The following ADGRV1 variants were observed in gnomAD, a reference collection of about 807,000 sequenced individuals.
The protein encoded by ADGRV1 is adhesion G protein-coupled receptor V1.
In ADGRV1, 359 loss-of-function variants were observed where a neutral mutation model predicts 596.2. That is an observed-to-expected ratio of 0.60 (90% CI 0.55 to 0.66). The LOEUF (loss-of-function observed/expected upper bound fraction) is 0.66. ADGRV1 is among the 30% of genes least tolerant of loss of function. ADGRV1 has a pLI of 0.00. For synonymous variants in ADGRV1, 2,681 were observed against 2,679.2 expected (o/e 1.00, Z -0.02); for missense variants, 7,274 against 7,575.6 (o/e 0.96, Z 1.48).
At chr5:90,938,051 C>T (rs1775860798) in intron 83 of ADGRV1, among the ~76,000 whole-genome samples, 1 of 152,046 alleles carries the variant, frequency 6.6e-6, no homozygotes, top group Non-Finnish European at 1.5e-5. Flanking sequence ...AAAATGTTTG[C>T]TTGTATTTGT....
chr5:90,847,535 C>T (rs914894555), intron 78 of ADGRV1, among the ~76,000 whole-genome samples: 5 of 152,196 alleles, frequency 3.3e-5, no homozygotes, highest in African/African-American at 9.7e-5. Context: ...AGCCCTTGGG[C>T]GGTTGATGGG....
At chr5:90,584,047 C>T (rs566506714) in intron 1 of ADGRV1, among the ~76,000 whole-genome samples, 7 of 152,138 alleles carry the variant, frequency 4.6e-5, no homozygotes, top group East Asian at 1.9e-4. Flanking sequence ...TGTAATTTGG[C>T]GAATATATTT....
At chr5:90,656,740 T>C (rs916205033) in intron 20 of ADGRV1, among the ~76,000 whole-genome samples, 1 of 152,212 alleles carries the variant, frequency 6.6e-6, no homozygotes, top group African/African-American at 2.4e-5. Flanking sequence ...GAAATATTGC[T>C]TGTACTTTTT....
chr5:91,049,784 A>G (rs959825225), intron 85 of ADGRV1, among the ~76,000 whole-genome samples: 2 of 152,158 alleles, frequency 1.3e-5, no homozygotes, highest in Non-Finnish European at 2.9e-5. Flanking sequence ...AAAGAAACAA[A>G]CTGGTTGTAA....
intron 87 of ADGRV1, among the ~76,000 whole-genome samples, chr5:91,139,546 T>A (rs1313737250): frequency 4.6e-5 from 7 of 152,234 alleles, no homozygotes; most frequent in Non-Finnish European, 8.8e-5. Flanking sequence ...ATGGAACACC[T>A]GATTCAGTTT....
At chr5:90,704,358 A>G (rs1323623872) in intron 35 of ADGRV1, 31 bp from the exon 36 acceptor site, 2 of 1,288,872 alleles carry the variant, frequency 1.6e-6, no homozygotes, top group Non-Finnish European at 2.2e-6. Context: ...CAATAACGAC[A>G]GCGGGATTGA....
At chr5:91,086,844 A>G (rs2126547127) in intron 86 of ADGRV1, among the ~76,000 whole-genome samples, 1 of 152,296 alleles carries the variant, frequency 6.6e-6, no homozygotes, top group African/African-American at 2.4e-5. Context: ...AGCTATGTGA[A>G]TATGCCACAC....
At chr5:90,619,236 T>G in intron 4 of ADGRV1, 55 bp downstream of exon 4, 1 of 840,638 alleles carries the variant, frequency 1.2e-6, no homozygotes, top group Non-Finnish European at 1.8e-6. Flanking sequence ...TTATTAAATT[T>G]TAAAAATTAG....
intron 59 of ADGRV1, among the ~76,000 whole-genome samples, chr5:90,770,225 G>A (rs1168531065): frequency 6.6e-6 from 1 of 152,172 alleles, no homozygotes; most frequent in Non-Finnish European, 1.5e-5. Context: ...GAGAGCGTGT[G>A]TAGGGGAATG....
At chr5:90,977,204 T>G (rs1249552354) in intron 84 of ADGRV1, among the ~76,000 whole-genome samples, 1 of 152,070 alleles carries the variant, frequency 6.6e-6, no homozygotes. Context: ...AATACTGAAT[T>G]CTCCAGTCCT....
In ADGRV1 at chr5:90,834,911, T is replaced by C. The variant is rs138692788; in HGVS notation, c.16612-5667T>C. On this transcript the variant is annotated intron_variant, in intron 77 of 89. Coordinates refer to ENST00000405460, the MANE Select transcript of ADGRV1 (RefSeq NM_032119.4). ...TTTTCTTTCTTTCTCTTTCTTTTTC[T>C]TTCTCTTTCCTTCTTTCTTTCTTTC... Among the ~76,000 whole-genome samples, 728 of 151,680 alleles carry C rather than the reference T, an allele frequency of 4.8e-3. 8 individuals carry two copies. Among genetic ancestry groups the C allele is most frequent in the Middle Eastern group, 0.014 (4 of 288 alleles).
chr5:90,944,472 TAA>T (rs752440889), intron 83 of ADGRV1, among the ~76,000 whole-genome samples: 3 of 152,196 alleles, frequency 2.0e-5, no homozygotes, highest in Non-Finnish European at 4.4e-5. Context: ...GAGAGAATTA[TAA>T]AAGAGATAAC....
At chr5:90,963,882 A>C (rs1442017492) in intron 83 of ADGRV1, among the ~76,000 whole-genome samples, 2 of 151,300 alleles carry the variant, frequency 1.3e-5, no homozygotes, top group Admixed American at 1.3e-4. Context: ...AGATTAATTT[A>C]CAGGCAATAT....
intron 83 of ADGRV1, among the ~76,000 whole-genome samples, chr5:90,928,682 C>T (rs911682716): frequency 3.3e-5 from 5 of 150,280 alleles, no homozygotes; most frequent in African/African-American, 4.9e-5. Context: ...TGAGGAACTG[C>T]GTTCCTTTGG....
intron 83 of ADGRV1, among the ~76,000 whole-genome samples, chr5:90,882,784 A>G (rs1417370720): frequency 6.6e-6 from 1 of 152,228 alleles, no homozygotes; most frequent in Non-Finnish European, 1.5e-5. Flanking sequence ...TTTTTAAAAA[A>G]TAGTCAACTA....
chr5:90,926,267 T>A (rs1241898201), intron 83 of ADGRV1, among the ~76,000 whole-genome samples: 2 of 152,056 alleles, frequency 1.3e-5, no homozygotes, highest in Non-Finnish European at 2.9e-5. Flanking sequence ...GGTCCTGGAC[T>A]CTTTTTGGTT....
At chr5:90,747,123 A>T (rs1323657853) in intron 52 of ADGRV1, among the ~76,000 whole-genome samples, 2 of 152,126 alleles carry the variant, frequency 1.3e-5, no homozygotes, top group Admixed American at 1.3e-4. Context: ...GGCTGTTTGG[A>T]GGAAATGACA....
At chr5:90,992,635 T>G (rs912205507) in intron 85 of ADGRV1, among the ~76,000 whole-genome samples, 1 of 152,232 alleles carries the variant, frequency 6.6e-6, no homozygotes, top group African/African-American at 2.4e-5. Flanking sequence ...AAGACTTCTT[T>G]GTGTAGAATA....
At chr5:90,708,696 T>C in intron 38 of ADGRV1, 120 bp from the exon 39 acceptor site, 1 of 553,062 alleles carries the variant, frequency 1.8e-6, no homozygotes, top group Non-Finnish European at 3.2e-6. Context: ...CTGTCTACTT[T>C]ATGGTTGCAT....
Sources: gnomAD v4.1 joint callset for allele counts (sites outside exome capture counted in the v4.1 genomes callset) on GRCh38, gnomAD v4.1.1 for gene constraint, MANE v1.5 for transcripts, NCBI Gene and HGNC (gene_info 2026-07-23, HGNC 2026-07-21) for gene names.